The following CNTNAP3 variants were observed in gnomAD, a reference collection of about 807,000 sequenced individuals.
The protein encoded by CNTNAP3 is contactin-associated protein-like 3.
A neutral mutation model predicts 92.1 loss-of-function variants in CNTNAP3; 36 were observed. The ratio of observed to expected loss-of-function variants is 0.39; its 90% CI spans 0.30 to 0.52. The LOEUF is 0.52. Ranked by LOEUF, CNTNAP3 falls within the 20% of genes least tolerant of loss-of-function variation. The pLI is 0.76. For missense variants in CNTNAP3, 534 were observed against 1,069.6 expected (o/e 0.50, Z 6.98); for synonymous variants, 232 against 422.3 (o/e 0.55, Z 5.53).
At position 39,104,740 on chromosome 9, in the gene CNTNAP3, G is replaced by A. The variant is rs1392755903; in HGVS notation, c.2366-826C>T. Among the ~76,000 whole-genome samples, 5 of 152,026 alleles carry A rather than the reference G, an allele frequency of 3.3e-5. No homozygotes were observed. In the East Asian group the frequency reaches 9.7e-4, roughly 29 times the overall value. ...GACTTGCAGAATGTTCCTCAACTTG[G>A]ATTTGTCTGACATACTCATGATTGG... On this transcript the variant is annotated intron_variant, in intron 15 of 23. Transcript: ENST00000297668.
chr9:39,074,769 C>T (rs1324769489), intron 23 of CNTNAP3, among the ~76,000 whole-genome samples: 1 of 151,982 alleles, frequency 6.6e-6, no homozygotes, highest in East Asian at 1.9e-4. Context: ...TATGATAATA[C>T]ACTTTTCTTT....
chr9:39,126,394 C>T (rs928712934), intron 13 of CNTNAP3, among the ~76,000 whole-genome samples: 14 of 152,246 alleles, frequency 9.2e-5, no homozygotes, highest in African/African-American at 3.4e-4. Context: ...TACCAATTTT[C>T]CACAATCTGT....
intron 12 of CNTNAP3, among the ~76,000 whole-genome samples, chr9:39,138,883 C>T (rs1821505054): frequency 6.6e-6 from 1 of 152,162 alleles, no homozygotes; most frequent in African/African-American, 2.4e-5. Flanking sequence ...TGTGACCTCA[C>T]TTCTCTGCTG....
chr9:39,148,938 CTA>C (rs1393346581), intron 10 of CNTNAP3, among the ~76,000 whole-genome samples: 1 of 152,116 alleles, frequency 6.6e-6, no homozygotes, highest in Non-Finnish European at 1.5e-5. Flanking sequence ...AGGTGTGACC[CTA>C]TGATTCTTCT....
chr9:39,110,004 C>T, intron 14 of CNTNAP3, among the ~76,000 whole-genome samples: 1 of 152,042 alleles, frequency 6.6e-6, no homozygotes, highest in South Asian at 2.1e-4. Context: ...AAATGAATCC[C>T]ACAGATTCAA....
In CNTNAP3 at chr9:39,099,954, A is replaced by G. The variant is rs1178829644; in HGVS notation, c.2952T>C (p.Cys984=). 1 of 1,610,142 alleles carries G rather than the reference A, an allele frequency of 6.2e-7. No individual in the cohort carries two copies. The highest frequency in any genetic ancestry group is 8.5e-7 in the Non-Finnish European group (1 of 1,179,000). The change falls in exon 18 of 24, where the codon TGT becomes TGC. Residue 984 remains cysteine (C), a synonymous_variant. Coordinates refer to ENST00000297668, the MANE Select transcript of CNTNAP3 (RefSeq NM_033655.5). ...RCREKRRGVT[C]DCAFSAYDGP... ...CATCATAGGCTGAGAAGGCACAGTC[A>G]CAGGTGACCCCCCTGCGTTTCTCTC...
At chr9:39,081,647 T>C (rs1157417566) in intron 21 of CNTNAP3, among the ~76,000 whole-genome samples, 15 of 151,914 alleles carry the variant, frequency 9.9e-5, no homozygotes, top group Admixed American at 5.2e-4. Context: ...CCCAGCCCAC[T>C]GAAGTCATGC....
chr9:39,099,889 C>T, intron 18 of CNTNAP3, 22 bp downstream of exon 18: 1 of 1,608,286 alleles, frequency 6.2e-7, no homozygotes, highest in Non-Finnish European at 8.5e-7. Context: ...TTCCCTATAA[C>T]CTGCTCCTTG....
chr9:39,118,312 C>T (rs1820911341), intron 13 of CNTNAP3, 53 bp from the exon 14 acceptor site: 3 of 1,609,804 alleles, frequency 1.9e-6, no homozygotes, highest in Admixed American at 1.7e-5. Context: ...CACTACCACC[C>T]TCCCCATATA....
intron 9 of CNTNAP3, among the ~76,000 whole-genome samples, chr9:39,162,768 G>C (rs1361217224): frequency 6.9e-6 from 1 of 145,046 alleles, no homozygotes; most frequent in Non-Finnish European, 1.5e-5. Context: ...TTAGTATTGA[G>C]TACCCATGAC....
intron 14 of CNTNAP3, among the ~76,000 whole-genome samples, chr9:39,116,890 T>C (rs1200641597): frequency 6.6e-6 from 1 of 152,114 alleles, no homozygotes; most frequent in Non-Finnish European, 1.5e-5. Flanking sequence ...GCCAAACAAC[T>C]CCATTTTTAG....
intron 13 of CNTNAP3, among the ~76,000 whole-genome samples, chr9:39,119,912 T>C (rs1820967401): frequency 6.6e-6 from 1 of 152,126 alleles, no homozygotes; most frequent in East Asian, 1.9e-4. Context: ...CAATAGGCTT[T>C]ATCTAACCTG....
chr9:39,094,696 T>A (rs1000024135), intron 18 of CNTNAP3, among the ~76,000 whole-genome samples: 2 of 151,784 alleles, frequency 1.3e-5, no homozygotes, highest in East Asian at 3.9e-4. Context: ...CTCTATTCCA[T>A]TGATTTATAG....
intron 18 of CNTNAP3, among the ~76,000 whole-genome samples, chr9:39,094,657 T>G (rs1368494991): frequency 1.3e-5 from 2 of 151,652 alleles, no homozygotes; most frequent in African/African-American, 2.4e-5. Context: ...ATTGACTGTA[T>G]GTACGTAGGT....
intron 9 of CNTNAP3, chr9:39,159,177 A>G (rs1448939196): frequency 1.3e-5 from 2 of 149,884 alleles, no homozygotes; most frequent in Non-Finnish European, 1.5e-5. Context: ...GTACCTATGT[A>G]TGCATGTATG....
At chr9:39,127,827 T>C (rs1236213886) in intron 13 of CNTNAP3, among the ~76,000 whole-genome samples, 1 of 152,056 alleles carries the variant, frequency 6.6e-6, no homozygotes, top group Admixed American at 6.6e-5. Context: ...GAATTCTTTT[T>C]GTTTTGTTTT....
chr9:39,142,711 A>C (rs1286171404), intron 11 of CNTNAP3, among the ~76,000 whole-genome samples: 2 of 151,778 alleles, frequency 1.3e-5, no homozygotes, highest in African/African-American at 4.8e-5. Context: ...GGCTTTATAA[A>C]CAGGGACCCT....
At chr9:39,081,023 T>C (rs1825919227) in intron 21 of CNTNAP3, among the ~76,000 whole-genome samples, 1 of 141,860 alleles carries the variant, frequency 7.0e-6, no homozygotes, top group Admixed American at 6.8e-5. Flanking sequence ...TTGGAGCTGA[T>C]GAAACAGAGA....
intron 10 of CNTNAP3, among the ~76,000 whole-genome samples, chr9:39,149,139 GGT>G (rs1391098043): frequency 6.6e-6 from 1 of 152,068 alleles, no homozygotes; most frequent in Non-Finnish European, 1.5e-5. Context: ...GAACATGTGG[GGT>G]TGGGTGGCTG....
Sources: allele counts gnomAD v4.1 joint callset (sites outside exome capture counted in the v4.1 genomes callset), GRCh38; gene constraint gnomAD v4.1.1; transcripts MANE v1.5; gene names NCBI Gene and HGNC (gene_info 2026-07-23, HGNC 2026-07-21).